ZNF85: variants seen among roughly 807,000 people sequenced by gnomAD.
ZNF85 encodes the protein zinc finger protein 85.
Under a neutral mutation model 53.9 loss-of-function variants are expected in ZNF85, and 50 were observed. That is an observed-to-expected ratio of 0.93 (90% confidence interval 0.74 to 1.17). ZNF85 has a LOEUF of 1.17. Among genes scored for constraint, ZNF85 ranks in the 50% most tolerant of loss-of-function variants. The pLI is 0.00. For missense variants in ZNF85, 747 were observed against 688.5 expected, an observed-to-expected ratio of 1.08 and a Z score of -0.95; for synonymous variants, 225 against 226.1, an observed-to-expected ratio of 1.00 and a Z score of 0.04.
intron 3 of ZNF85, chr19:20,943,364 T>C (rs1973344799): frequency 2.0e-5 from 3 of 152,446 alleles, no homozygotes; most frequent in African/African-American, 7.2e-5. Context: ...TACACTCTGT[T>C]AATTCAGATG....
chr19:20,930,425 C>T (rs1186971176), intron 1 of ZNF85, among the ~76,000 whole-genome samples: 1 of 152,108 alleles, frequency 6.6e-6, no homozygotes, highest in Non-Finnish European at 1.5e-5. Flanking sequence ...CTGTATTCCT[C>T]TCATCTGTCT....
At chr19:20,944,799 T>G (rs547471569) in intron 3 of ZNF85, among the ~76,000 whole-genome samples, 2 of 152,186 alleles carry the variant, frequency 1.3e-5, no homozygotes, top group East Asian at 3.9e-4. Flanking sequence ...TGTTTTAGTT[T>G]ATATTATAAT....
At chr19:20,934,924 A>T in intron 2 of ZNF85, 25 bp from the exon 3 acceptor site, 1 of 1,528,438 alleles carries the variant, frequency 6.5e-7, no homozygotes, top group Non-Finnish European at 8.9e-7. Flanking sequence ...AGCAAGATTT[A>T]TATTATTTAT....
rs534848230 is a variant in ZNF85 at position 20,940,834 on chromosome 19, CTGTTT to C, written c.229+5789_229+5793del. 1.4e-3 allele frequency among the ~76,000 whole-genome samples: 208 copies of C among 152,206 alleles called. 3 individuals are homozygous for C. The highest frequency in any genetic ancestry group is 4.5e-3 in the African/African-American group (187 of 41,520). On this transcript the variant is annotated intron_variant, in intron 3 of 3. Coordinates refer to ENST00000328178, the MANE Select transcript of ZNF85 (RefSeq NM_003429.5). ...TTATCTTAAATTGTTACAAGATAAT[CTGTTT>C]TAAGTCTGAAAAAATATTTCATTAT...
chr19:20,928,591 A>G (rs1397570307), intron 1 of ZNF85: 1 of 152,368 alleles, frequency 6.6e-6, no homozygotes, highest in Non-Finnish European at 1.5e-5. Flanking sequence ...AAGACTAGTC[A>G]TCATCCTCAG....
At chr19:20,925,683 TGA>T (rs1223268337) in intron 1 of ZNF85, among the ~76,000 whole-genome samples, 2 of 152,122 alleles carry the variant, frequency 1.3e-5, no homozygotes, top group Non-Finnish European at 2.9e-5. Context: ...TAGTGTCTCT[TGA>T]GAGGTTGGTC....
At position 20,949,872 on chromosome 19, in the gene ZNF85, C is replaced by T; in HGVS notation, c.1358C>T (p.Pro453Leu). Residue 453 changes from proline to leucine, a missense_variant, in exon 4 of 4, where the codon CCC (proline) becomes CTC (leucine). Physicochemically the swap from Pro to Leu is moderately conservative, Grantham distance 98. Coordinates refer to ENST00000328178, the MANE Select transcript of ZNF85 (RefSeq NM_003429.5). ...AAGAAAATTCATACTGGAGAGAAAC[C>T]CTATGAATGTGAAAAATGTGGCAAA... is the stretch of plus-strand genomic sequence containing the variant. ...EHKKIHTGEK[P>L]YECEKCGKAF... 1 of 1,612,616 alleles carries T rather than the reference C, an allele frequency of 6.2e-7. No homozygotes were observed. The highest frequency in any genetic ancestry group is 1.1e-5 in the South Asian group (1 of 90,892).
intron 3 of ZNF85, chr19:20,946,529 T>G (rs1338457837): frequency 4.4e-6 from 1 of 227,832 alleles, no homozygotes; most frequent in Non-Finnish European, 8.7e-6. Flanking sequence ...CTGTCAATAT[T>G]TGTTTTATAT....
rs1302993902 is a variant in ZNF85 at position 20,949,913 on chromosome 19, T to C, written c.1399T>C (p.Ser467Pro). 5.0e-6 allele frequency: 8 copies of C among 1,612,122 alleles called. No homozygotes were observed. The highest frequency in any genetic ancestry group is 6.8e-6 in the Non-Finnish European group (8 of 1,179,104). ...EKCGKAFNQS[S>P]NLTRHKKSHT... The stretch of plus-strand genomic sequence containing the variant: ...ATGTGGCAAAGCTTTTAACCAGTCC[T>C]CAAATCTTACTAGACATAAGAAAAG... Residue 467 changes from serine (S) to proline (P), a missense_variant, in exon 4 of 4, where the codon TCA becomes CCA. Transcript: ENST00000328178.
At chr19:20,937,759 C>T (rs1973193398) in intron 3 of ZNF85, among the ~76,000 whole-genome samples, 2 of 152,150 alleles carry the variant, frequency 1.3e-5, no homozygotes, top group Non-Finnish European at 2.9e-5. Context: ...TTGGGGACCA[C>T]AGTAAAGGCC....
chr19:20,950,324 C>G lies in ZNF85; in HGVS notation c.*22C>G. On this transcript the variant is annotated 3_prime_UTR_variant, in exon 4 of 4. Transcript: ENST00000328178. ...ATGAAAATTATGGCAAAGCTTTAAT[C>G]AATTTACAAGTCTTACTAAACATAA... 6.8e-7 allele frequency: 1 copy of G among 1,469,906 alleles called. No homozygotes were observed. Among genetic ancestry groups the G allele is most frequent in the South Asian group, 1.5e-5 (1 of 68,122 alleles). 91.1% of individuals were successfully genotyped at this position (1,469,906 alleles called of 1,614,324 possible).
In ZNF85 at chr19:20,923,297, G is replaced by T; in HGVS notation, c.-104G>T. On this transcript the variant is annotated 5_prime_UTR_variant, in exon 1 of 4. Transcript: ENST00000328178. ...CTGAGCTCTAGGTCTTGTTTTCCCT[G>T]CTTTGTGTTTTCTGCTCGTGGACGC... is the stretch of plus-strand genomic sequence containing the variant. The T allele has an allele frequency of 6.3e-7, 1 of 1,576,896 alleles. No homozygotes were observed. The highest frequency in any genetic ancestry group is 8.7e-7 in the Non-Finnish European group (1 of 1,148,818).
At position 20,948,884 on chromosome 19, in the gene ZNF85, T is replaced by A; in HGVS notation, c.370T>A (p.Cys124Ser). The A allele has an allele frequency of 6.2e-7, 1 of 1,613,610 alleles. No homozygotes were observed. Among genetic ancestry groups the A allele is most frequent in the South Asian group, 1.1e-5 (1 of 90,992 alleles). Residue 124 changes from cysteine to serine, a missense_variant, in exon 4 of 4, where the codon TGT becomes AGT. By Grantham distance (112) the Cys-to-Ser change is moderately radical. Transcript: ENST00000328178. ...LRKGCESMDE[C>S]KMHKGGCNGL... ...AAAAGGCTGTGAAAGTATGGATGAGTGTAAGATGCACAAAGGAGGTTGTAA... is the reference window on the plus strand; with the variant it reads ...AAAAGGCTGTGAAAGTATGGATGAGAGTAAGATGCACAAAGGAGGTTGTAA...
At chr19:20,929,935 A>G (rs993679487) in intron 1 of ZNF85, among the ~76,000 whole-genome samples, 5 of 152,088 alleles carry the variant, frequency 3.3e-5, no homozygotes, top group African/African-American at 4.8e-5. Flanking sequence ...CCTGACCAAC[A>G]TGGTGAAACC....
In ZNF85 at chr19:20,938,850, ATGTG is replaced by A. The variant is rs145473574; in HGVS notation, c.229+3827_229+3830del. 7.8e-3 allele frequency among the ~76,000 whole-genome samples: 1,099 copies of A among 141,078 alleles called. 17 individuals carry two copies. The highest frequency in any genetic ancestry group is 0.027 in the African/African-American group (1,056 of 39,084). The allele number at this position is 141,078 out of a possible 152,430, so 92.6% of individuals were successfully genotyped here. A position where few individuals can be genotyped will look rare whatever the true frequency, so the allele number is the denominator to read the frequency against. ...AGAGGCTCTAACCATATTCTGCTAT[ATGTG>A]TGTGTGTGTGTGTGTGTGTGTGTAT... On this transcript the variant is annotated intron_variant, in intron 3 of 3. Coordinates refer to ENST00000328178, the MANE Select transcript of ZNF85 (RefSeq NM_003429.5).
Position 20,949,547 on chromosome 19 carries a change from A to C in ZNF85, c.1033A>C (p.Lys345Gln), listed in dbSNP as rs779085246. Residue 345 changes from lysine to glutamine, a missense_variant, in exon 4 of 4, where the codon AAA becomes CAA. Physicochemically the swap from Lys to Gln is moderately conservative, Grantham distance 53. Transcript: ENST00000328178. The part of the protein sequence containing the change: ...IHTGEKPYKC[K>Q]KCGKAFNQSA... ...TACTGGAGAGAAACCCTACAAATGT[A>C]AAAAATGTGGAAAAGCCTTTAACCA... The C allele has an allele frequency of 1.2e-6, 2 of 1,612,238 alleles. No homozygotes were observed. The highest frequency in any genetic ancestry group is 1.7e-6 in the Non-Finnish European group (2 of 1,179,252).
intron 3 of ZNF85, chr19:20,942,969 T>C (rs907873439): frequency 1.9e-6 from 1 of 533,936 alleles, no homozygotes; most frequent in African/African-American, 2.0e-5. Context: ...AGAGACAGAG[T>C]CTCACTTTGT....
intron 3 of ZNF85, chr19:20,944,113 A>G (rs1973366259): frequency 5.5e-6 from 1 of 181,484 alleles, no homozygotes; most frequent in East Asian, 1.9e-4. Flanking sequence ...ATGCACCATT[A>G]TTTTGATAAT....
chr19:20,930,751 G>T (rs1339970446), intron 1 of ZNF85, among the ~76,000 whole-genome samples: 1 of 152,104 alleles, frequency 6.6e-6, no homozygotes, highest in Admixed American at 6.6e-5. Flanking sequence ...CAAAGAATAT[G>T]ATACTTAAGG....
Sources: gnomAD v4.1 joint callset for allele counts (sites outside exome capture counted in the v4.1 genomes callset) on GRCh38, gnomAD v4.1.1 for gene constraint, MANE v1.5 for transcripts, NCBI Gene and HGNC (gene_info 2026-07-23, HGNC 2026-07-21) for gene names.